Variants in ATRNL1 observed in about 807,000 individuals in gnomAD.
ATRNL1 encodes attractin like 1, also known as attractin-like protein 1.
ATRNL1 carries 95 observed loss-of-function variants against 182.7 expected under a neutral mutation model. The observed-to-expected ratio is 0.52, with a 90% CI of 0.44 to 0.62. ATRNL1 has a LOEUF of 0.62. ATRNL1 is among the 20% of genes least tolerant of loss of function. ATRNL1 has a pLI of 0.00. For synonymous variants in ATRNL1, 576 were observed against 568.3 expected, an observed-to-expected ratio of 1.01 and a Z score of -0.19; for missense variants, 1,471 against 1,679.5, an observed-to-expected ratio of 0.88 and a Z score of 2.17.
chr10:115,738,129 T>G (rs1948018041), intron 27 of ATRNL1, among the ~76,000 whole-genome samples: 1 of 44,146 alleles, frequency 2.3e-5, no homozygotes, highest in Non-Finnish European at 4.7e-5. Flanking sequence ...GATAATGATT[T>G]TTTTTTTTTT....
At position 115,824,436 on chromosome 10, in the gene ATRNL1, A is replaced by T. The variant is rs567923476; in HGVS notation, c.3904-23441A>T. Among the ~76,000 whole-genome samples the T allele has an allele frequency of 2.0e-5, 3 of 152,326 alleles. No homozygotes were observed. The South Asian group carries it at 6.2e-4, about 32-fold the overall frequency. Reference sequence around the variant, plus strand: ...AACCAAAACTGGAAAATGGGATCTAATTAAACTAAAGAGTTTCTGCACAGC... The same window carrying T: ...AACCAAAACTGGAAAATGGGATCTATTTAAACTAAAGAGTTTCTGCACAGC... On this transcript the variant is annotated intron_variant, in intron 27 of 28. Transcript: ENST00000355044.
intron 14 of ATRNL1, among the ~76,000 whole-genome samples, chr10:115,285,769 G>T (rs1375828248): frequency 6.6e-6 from 1 of 152,070 alleles, no homozygotes; most frequent in Non-Finnish European, 1.5e-5. Flanking sequence ...ATATACCTGA[G>T]CTATAGAAAT....
At chr10:115,176,086 T>G (rs939057406) in intron 8 of ATRNL1, among the ~76,000 whole-genome samples, 1 of 152,146 alleles carries the variant, frequency 6.6e-6, no homozygotes, top group Non-Finnish European at 1.5e-5. Context: ...CTTCATGTGT[T>G]TGTTGGCTGC....
intron 9 of ATRNL1, among the ~76,000 whole-genome samples, chr10:115,217,457 T>C (rs1849277924): frequency 6.6e-6 from 1 of 152,172 alleles, no homozygotes; most frequent in East Asian, 1.9e-4. Context: ...GGAGGCAGTA[T>C]AGTTCACAGT....
chr10:115,599,422 A>G (rs1420885493), intron 26 of ATRNL1, among the ~76,000 whole-genome samples: 2 of 152,206 alleles, frequency 1.3e-5, no homozygotes, highest in Non-Finnish European at 2.9e-5. Context: ...AATTAGTTAC[A>G]GAAATGCTGT....
At chr10:115,717,499 A>G (rs1947288910) in intron 26 of ATRNL1, among the ~76,000 whole-genome samples, 1 of 148,608 alleles carries the variant, frequency 6.7e-6, no homozygotes, top group Non-Finnish European at 1.5e-5. Context: ...TTTTAAGCTC[A>G]GGCTTGCCTC....
intron 19 of ATRNL1, among the ~76,000 whole-genome samples, chr10:115,336,977 C>A (rs1271065365): frequency 6.2e-5 from 1 of 16,100 alleles, no homozygotes; most frequent in Non-Finnish European, 2.0e-4. Context: ...TCCCAAGTAG[C>A]TGGGGGGGGG....
rs72836599 is a variant in ATRNL1 at position 115,332,023 on chromosome 10, A to C, written c.3038-2259A>C. 2.0e-3 allele frequency among the ~76,000 whole-genome samples: 297 copies of C among 151,722 alleles called. 1 individual carries two copies. The highest frequency in any genetic ancestry group is 3.7e-3 in the Admixed American group (56 of 15,244). ...CTCTGTGCTGCCTGTTACTAGCCCT[A>C]CTCTTTCTTTTTTCCATAGGTGGCC... On this transcript the variant is annotated intron_variant, in intron 18 of 28. Coordinates refer to ENST00000355044, the MANE Select transcript of ATRNL1 (RefSeq NM_207303.4).
At chr10:115,613,924 A>G (rs568990267) in intron 26 of ATRNL1, among the ~76,000 whole-genome samples, 1 of 151,756 alleles carries the variant, frequency 6.6e-6, no homozygotes, top group Admixed American at 6.6e-5. Flanking sequence ...TTCTTACTCT[A>G]ACTAATAATT....
At chr10:115,462,483 G>A (rs782698759) in intron 22 of ATRNL1, among the ~76,000 whole-genome samples, 13 of 151,998 alleles carry the variant, frequency 8.6e-5, no homozygotes, top group Admixed American at 2.6e-4. Flanking sequence ...ATGATGGTGC[G>A]CGCCTATAGT....
rs79077587 is a variant in ATRNL1, at chr10:115,857,973, G to A, written c.4018+9982G>A. 3.4e-3 allele frequency among the ~76,000 whole-genome samples: 523 copies of A among 152,194 alleles called. 4 individuals are homozygous for A. The highest frequency in any genetic ancestry group is 0.012 in the African/African-American group (501 of 41,530). On this transcript the variant is annotated intron_variant, in intron 28 of 28. Transcript: ENST00000355044. ...TTACTGTGCTCAAAGAGAAAAACAG[G>A]AAAAAATTAAAACTCAACAAGACAA...
At chr10:115,287,924 G>GTTTTTTTTTTTTTTTTT (rs11298663) in intron 15 of ATRNL1, among the ~76,000 whole-genome samples, 2 of 91,020 alleles carry the variant, frequency 2.2e-5, no homozygotes, top group African/African-American at 4.2e-5. Context: ...AAGATCAACT[G>GTTTTTTTTTTTTTTTTT]TTTTTTTTTT....
chr10:115,880,539 G>A (rs1430104407), intron 28 of ATRNL1, among the ~76,000 whole-genome samples: 6 of 152,106 alleles, frequency 3.9e-5, no homozygotes, highest in East Asian at 1.9e-4. Context: ...GAGGAGAATC[G>A]CTTGAACCCA....
chr10:115,523,060 T>TA (rs1851029348), intron 25 of ATRNL1, among the ~76,000 whole-genome samples: 1 of 152,136 alleles, frequency 6.6e-6, no homozygotes, highest in Non-Finnish European at 1.5e-5. Flanking sequence ...TCTCCACCCC[T>TA]ATGGCAGGCT....
At position 115,229,588 on chromosome 10, in the gene ATRNL1, G is replaced by A. The variant is rs1352187595; in HGVS notation, c.1533-11983G>A. 2.6e-5 allele frequency among the ~76,000 whole-genome samples: 4 copies of A among 151,884 alleles called. No individual in the cohort carries two copies. The East Asian group carries it at 5.8e-4, about 22-fold the overall frequency. On this transcript the variant is annotated intron_variant, in intron 9 of 28. Coordinates refer to ENST00000355044, the MANE Select transcript of ATRNL1 (RefSeq NM_207303.4). ...TGAGGGAAATAATAGAAATATATAC[G>A]CACACAAGCACACAAACATATAGTT...
chr10:115,646,700 A>C (rs1256882542), intron 26 of ATRNL1, among the ~76,000 whole-genome samples: 1 of 151,866 alleles, frequency 6.6e-6, no homozygotes, highest in African/African-American at 2.4e-5. Context: ...CCTATGGACT[A>C]ATACATATAT....
intron 27 of ATRNL1, among the ~76,000 whole-genome samples, chr10:115,843,103 A>G (rs2134343408): frequency 6.6e-6 from 1 of 152,234 alleles, no homozygotes; most frequent in South Asian, 2.1e-4. Flanking sequence ...TTCATTCATT[A>G]ACTCTTTCAC....
chr10:115,575,644 TTTTA>T (rs1429063370), intron 26 of ATRNL1, among the ~76,000 whole-genome samples: 5 of 152,104 alleles, frequency 3.3e-5, no homozygotes, highest in Non-Finnish European at 7.4e-5. Context: ...CTTTTTTATT[TTTTA>T]TTTATTTTTC....
chr10:115,723,154 A>G (rs1472566578), intron 26 of ATRNL1, among the ~76,000 whole-genome samples: 2 of 152,232 alleles, frequency 1.3e-5, no homozygotes, highest in African/African-American at 4.8e-5. Context: ...ATGGTGCCAT[A>G]TTAATATCAC....
Sources: gnomAD v4.1 joint callset for allele counts (sites outside exome capture counted in the v4.1 genomes callset) on GRCh38, gnomAD v4.1.1 for gene constraint, MANE v1.5 for transcripts, NCBI Gene and HGNC (gene_info 2026-07-23, HGNC 2026-07-21) for gene names.